SGK1: variants seen among roughly 807,000 people sequenced by gnomAD.
SGK1 encodes the protein serum/glucocorticoid regulated kinase 1.
In SGK1, 26 loss-of-function variants were observed where a neutral mutation model predicts 64.2. The observed-to-expected ratio is 0.40, with a 90% CI of 0.30 to 0.56. The LOEUF (loss-of-function observed/expected upper bound fraction) is 0.56, where lower values mean the gene tolerates loss of function less well. Among genes scored for constraint, SGK1 ranks in the 20% least tolerant of loss-of-function variants. The pLI is 0.38. For synonymous variants in SGK1, 265 were observed against 239.7 expected, an observed-to-expected ratio of 1.11 and a Z score of -0.98; for missense variants, 519 against 645.6, an observed-to-expected ratio of 0.80 and a Z score of 2.12.
At chr6:134,257,988 C>G (rs1489613474) in intron 2 of SGK1, among the ~76,000 whole-genome samples, 1 of 152,188 alleles carries the variant, frequency 6.6e-6, no homozygotes, top group Non-Finnish European at 1.5e-5. Flanking sequence ...GCTTCTGCAT[C>G]TCACAGCCTC....
At chr6:134,182,019 G>A (rs780522254) in intron 3 of SGK1, among the ~76,000 whole-genome samples, 6 of 151,846 alleles carry the variant, frequency 4.0e-5, no homozygotes, top group East Asian at 2.0e-4. Flanking sequence ...CACCACGCCC[G>A]ACTAATTTTT....
At chr6:134,271,179 C>A (rs914297463) in intron 1 of SGK1, among the ~76,000 whole-genome samples, 3 of 133,568 alleles carry the variant, frequency 2.2e-5, no homozygotes, top group African/African-American at 2.5e-5. Context: ...ATTAGTCGGG[C>A]GCGGGGGCAC....
chr6:134,298,258 A>G, intron 1 of SGK1: 1 of 1,573,820 alleles, frequency 6.4e-7, no homozygotes, highest in East Asian at 2.2e-5. Flanking sequence ...CTGCCGCCTA[A>G]GGTTGTTGAA....
At chr6:134,223,069 G>A (rs986570634) in intron 2 of SGK1, among the ~76,000 whole-genome samples, 11 of 152,086 alleles carry the variant, frequency 7.2e-5, no homozygotes, top group African/African-American at 2.4e-4. Context: ...TCATTGTGCT[G>A]TATAAGGATG....
At chr6:134,194,722 C>T (rs2114669886) in intron 3 of SGK1, among the ~76,000 whole-genome samples, 1 of 152,180 alleles carries the variant, frequency 6.6e-6, no homozygotes, top group East Asian at 1.9e-4. Context: ...GAGGTTTCAC[C>T]ATGTCGGCCA....
At chr6:134,297,429 T>C in intron 1 of SGK1, 1 of 700,764 alleles carries the variant, frequency 1.4e-6, no homozygotes. Flanking sequence ...GATGGCAGTC[T>C]CCAGGGAAGC....
chr6:134,194,183 T>C (rs74461626), intron 3 of SGK1, among the ~76,000 whole-genome samples: 1 of 152,064 alleles, frequency 6.6e-6, no homozygotes, highest in Non-Finnish European at 1.5e-5. Context: ...TTTTTTTTTT[T>C]CTCATCAATG....
intron 1 of SGK1, among the ~76,000 whole-genome samples, chr6:134,268,027 C>T (rs1281619883): frequency 2.0e-5 from 3 of 152,192 alleles, no homozygotes; most frequent in Non-Finnish European, 4.4e-5. Context: ...ACAGAGTTTA[C>T]GATGTTTGCT....
intron 2 of SGK1, among the ~76,000 whole-genome samples, chr6:134,229,193 A>C (rs1204683495): frequency 6.6e-6 from 1 of 152,240 alleles, no homozygotes; most frequent in Admixed American, 6.5e-5. Flanking sequence ...ACTAGGGAGG[A>C]GATTTACAGC....
intron 2 of SGK1, among the ~76,000 whole-genome samples, chr6:134,233,142 T>C (rs1190676951): frequency 6.6e-6 from 1 of 152,016 alleles, no homozygotes; most frequent in Non-Finnish European, 1.5e-5. Flanking sequence ...GAGAGATGAG[T>C]TTCATGATTA....
At chr6:134,177,914 A>G in intron 3 of SGK1, 2 of 1,353,428 alleles carry the variant, frequency 1.5e-6, no homozygotes, top group Non-Finnish European at 2.0e-6. Flanking sequence ...GCAAGCTGCA[A>G]AGTTCAACAC....
At chr6:134,230,124 C>T (rs1562258921) in intron 2 of SGK1, among the ~76,000 whole-genome samples, 1 of 152,126 alleles carries the variant, frequency 6.6e-6, no homozygotes, top group Non-Finnish European at 1.5e-5. Context: ...TTATGTAACT[C>T]TCCTGGAGAA....
At chr6:134,305,383 A>T (rs1217046030) in intron 1 of SGK1, among the ~76,000 whole-genome samples, 2 of 151,114 alleles carry the variant, frequency 1.3e-5, no homozygotes, top group African/African-American at 4.9e-5. Flanking sequence ...AAAAAAAAAA[A>T]AAAGGGAAAG....
chr6:134,262,360 C>CT (rs1776779920), intron 1 of SGK1, among the ~76,000 whole-genome samples: 1 of 152,078 alleles, frequency 6.6e-6, no homozygotes, highest in Admixed American at 6.6e-5. Context: ...GTCATTTCAT[C>CT]TTGCTGAGTC....
At chr6:134,246,146 CT>C (rs931845843) in intron 2 of SGK1, among the ~76,000 whole-genome samples, 1 of 151,068 alleles carries the variant, frequency 6.6e-6, no homozygotes, top group African/African-American at 2.4e-5. Flanking sequence ...TGTTTCTTTT[CT>C]TTTTTTTCTT....
intron 3 of SGK1, among the ~76,000 whole-genome samples, chr6:134,196,751 G>T (rs1775600358): frequency 1.3e-5 from 2 of 152,220 alleles, no homozygotes; most frequent in Non-Finnish European, 2.9e-5. Context: ...ACTTCGAGTT[G>T]AAGTACGGGA....
intron 12 of SGK1, 34 bp from the exon 13 acceptor site, chr6:134,170,949 G>C (rs1425816099): frequency 6.2e-7 from 1 of 1,605,006 alleles, no homozygotes; most frequent in East Asian, 2.2e-5. Flanking sequence ...AATTTAGACA[G>C]GTGCATTCAA....
At chr6:134,238,582 GTT>G (rs11334496) in intron 2 of SGK1, among the ~76,000 whole-genome samples, 16 of 150,516 alleles carry the variant, frequency 1.1e-4, no homozygotes, top group East Asian at 3.9e-4. Flanking sequence ...CAAAGTCAGT[GTT>G]TTTTTTTTTA....
At chr6:134,211,363 G>A (rs1446236607) in intron 2 of SGK1, 1 of 152,082 alleles carries the variant, frequency 6.6e-6, no homozygotes, top group South Asian at 2.1e-4. Flanking sequence ...AGGAAAAAAT[G>A]CCATTAAAAT....
Sources: gnomAD v4.1 joint callset for allele counts (sites outside exome capture counted in the v4.1 genomes callset) on GRCh38, gnomAD v4.1.1 for gene constraint, MANE v1.5 for transcripts, NCBI Gene and HGNC (gene_info 2026-07-23, HGNC 2026-07-21) for gene names.